The following NRG1 variants were observed in gnomAD, a reference collection of about 807,000 sequenced individuals.
NRG1 encodes the protein neuregulin 1.
Under a neutral mutation model 63.8 loss-of-function variants are expected in NRG1, and 18 were observed. The ratio of observed to expected loss-of-function variants is 0.28; its 90% CI spans 0.19 to 0.42. NRG1 has a LOEUF of 0.42. Ranked by LOEUF, NRG1 falls within the 10% of genes least tolerant of loss-of-function variation. NRG1 has a pLI of 1.00. For synonymous variants in NRG1, 302 were observed against 301.3 expected (o/e 1.00, Z -0.02); for missense variants, 762 against 814.7 (o/e 0.94, Z 0.79).
At chr8:32,536,509 C>G (rs1391955461) in intron 1 of NRG1, among the ~76,000 whole-genome samples, 2 of 152,198 alleles carry the variant, frequency 1.3e-5, no homozygotes, top group South Asian at 4.1e-4. Flanking sequence ...AGCCAACCGA[C>G]TAACAACTAG....
At chr8:32,625,983 G>A (rs184560728) in intron 5 of NRG1, among the ~76,000 whole-genome samples, 103 of 151,836 alleles carry the variant, frequency 6.8e-4, no homozygotes, top group African/African-American at 2.3e-3. Flanking sequence ...TAGTAGAGAT[G>A]GGGTTTCACC....
intron 1 of NRG1, among the ~76,000 whole-genome samples, chr8:31,959,065 T>C (rs1160444842): frequency 6.6e-6 from 1 of 152,146 alleles, no homozygotes; most frequent in Non-Finnish European, 1.5e-5. Flanking sequence ...AGCATTATGA[T>C]GAGGAAAAAA....
At chr8:32,289,388 G>C (rs17630877) in intron 1 of NRG1, among the ~76,000 whole-genome samples, 6,781 of 151,902 alleles carry the variant, frequency 0.045, 177 homozygotes, top group South Asian at 0.07. Context: ...TAAAATAGGA[G>C]CTCACAAGGT....
At chr8:32,571,412 G>A (rs983428079) in intron 1 of NRG1, among the ~76,000 whole-genome samples, 1 of 152,090 alleles carries the variant, frequency 6.6e-6, no homozygotes. Flanking sequence ...AATAGTCAAT[G>A]CCATCGTGGT....
chr8:32,735,109 A>G (rs12682440), intron 6 of NRG1, among the ~76,000 whole-genome samples: 4,556 of 152,244 alleles, frequency 0.03, 298 homozygotes, highest in East Asian at 0.28. Context: ...AAGAATAAAA[A>G]AAGAGTATGC....
chr8:32,348,319 T>G (rs1434857990), intron 1 of NRG1, among the ~76,000 whole-genome samples: 1 of 152,174 alleles, frequency 6.6e-6, no homozygotes, highest in Non-Finnish European at 1.5e-5. Flanking sequence ...GAAAAGTTCT[T>G]TTCACACCAC....
chr8:32,103,674 G>A (rs1830867813), intron 1 of NRG1, among the ~76,000 whole-genome samples: 1 of 152,234 alleles, frequency 6.6e-6, no homozygotes, highest in Middle Eastern at 3.4e-3. Context: ...TCCTCTTGGG[G>A]AGCCATATGG....
At chr8:32,138,008 T>G (rs1835768841) in intron 1 of NRG1, among the ~76,000 whole-genome samples, 1 of 152,280 alleles carries the variant, frequency 6.6e-6, no homozygotes, top group Admixed American at 6.5e-5. Flanking sequence ...TTGAAGCGTC[T>G]TGGAGTAGAC....
chr8:31,694,191 A>G (rs977788379), intron 1 of NRG1, among the ~76,000 whole-genome samples: 1 of 152,104 alleles, frequency 6.6e-6, no homozygotes, highest in Admixed American at 6.5e-5. Context: ...TGACACAGAT[A>G]TTCTGTGTAC....
At chr8:32,537,304 C>A (rs539247640) in intron 1 of NRG1, among the ~76,000 whole-genome samples, 1 of 151,970 alleles carries the variant, frequency 6.6e-6, no homozygotes, top group East Asian at 1.9e-4. Context: ...TGCTGCCCCC[C>A]AACTGAGTTG....
chr8:32,071,521 C>T (rs1463444252), intron 1 of NRG1, among the ~76,000 whole-genome samples: 1 of 152,184 alleles, frequency 6.6e-6, no homozygotes, highest in African/African-American at 2.4e-5. Context: ...TGTAGATTAA[C>T]TTTCTAAATC....
intron 1 of NRG1, among the ~76,000 whole-genome samples, chr8:32,510,139 G>A (rs1829004731): frequency 7.5e-6 from 1 of 132,792 alleles, no homozygotes; most frequent in Admixed American, 8.4e-5. Context: ...ATAAAAGCAA[G>A]GGAGGGAGGG....
At chr8:31,871,009 T>TC (rs2129611548) in intron 1 of NRG1, among the ~76,000 whole-genome samples, 1 of 150,546 alleles carries the variant, frequency 6.6e-6, no homozygotes, top group East Asian at 1.9e-4. Context: ...TATTTTCCTT[T>TC]TTTTTTTTTT....
chr8:31,794,569 A>G (rs16878306), intron 1 of NRG1, among the ~76,000 whole-genome samples: 2,358 of 151,986 alleles, frequency 0.016, 68 homozygotes, highest in African/African-American at 0.054. Context: ...AATAGTAAAG[A>G]TGAATGTCTC....
intron 1 of NRG1, among the ~76,000 whole-genome samples, chr8:32,515,980 A>T (rs536091742): frequency 6.6e-6 from 1 of 152,070 alleles, no homozygotes; most frequent in East Asian, 1.9e-4. Flanking sequence ...GCCATAAATT[A>T]TTTGCCAAGG....
chr8:32,748,858 A>T, intron 7 of NRG1: 1 of 324,642 alleles, frequency 3.1e-6, no homozygotes, highest in Non-Finnish European at 6.0e-6. Context: ...AGGAGTCTCC[A>T]GTGTCCCAAG....
intron 1 of NRG1, among the ~76,000 whole-genome samples, chr8:32,506,119 G>A (rs1340205613): frequency 1.3e-5 from 2 of 152,146 alleles, no homozygotes; most frequent in African/African-American, 2.4e-5. Flanking sequence ...ACATGGTGGT[G>A]TACATCTGTA....
At chr8:31,764,561 T>C (rs1433491208) in intron 1 of NRG1, among the ~76,000 whole-genome samples, 1 of 152,222 alleles carries the variant, frequency 6.6e-6, no homozygotes, top group Admixed American at 6.5e-5. Context: ...TTAGCAATTC[T>C]AATTTTTCTC....
intron 1 of NRG1, among the ~76,000 whole-genome samples, chr8:31,833,099 G>A (rs1825327133): frequency 6.6e-6 from 1 of 152,072 alleles, no homozygotes; most frequent in African/African-American, 2.4e-5. Context: ...TGACGGATAA[G>A]TGTGGAAACT....
Sources: allele counts gnomAD v4.1 joint callset (sites outside exome capture counted in the v4.1 genomes callset), GRCh38; gene constraint gnomAD v4.1.1; transcripts MANE v1.5; gene names NCBI Gene and HGNC (gene_info 2026-07-23, HGNC 2026-07-21).